The following RIN3 variants were observed in gnomAD, a reference collection of about 807,000 sequenced individuals.
The protein encoded by RIN3 is Ras and Rab interactor 3.
A neutral mutation model predicts 76.3 loss-of-function variants in RIN3; 54 were observed. That is an observed-to-expected ratio of 0.71 (90% CI 0.57 to 0.89). The LOEUF (loss-of-function observed/expected upper bound fraction) is 0.89, where lower values mean the gene tolerates loss of function less well. Ranked by LOEUF, RIN3 falls within the 40% of genes least tolerant of loss-of-function variation. RIN3 has a pLI of 0.00. For missense variants in RIN3, 1,256 were observed against 1,322.1 expected (o/e 0.95, Z 0.78); for synonymous variants, 576 against 564.0 (o/e 1.02, Z -0.30).
intron 1 of RIN3, among the ~76,000 whole-genome samples, chr14:92,547,847 G>A (rs1897324220): frequency 1.3e-5 from 2 of 152,120 alleles, no homozygotes; most frequent in Admixed American, 1.3e-4. Context: ...GGGATTACAG[G>A]CATGTGCAGC....
intron 1 of RIN3, among the ~76,000 whole-genome samples, chr14:92,543,476 A>G (rs1897171505): frequency 6.6e-6 from 1 of 152,118 alleles, no homozygotes; most frequent in Non-Finnish European, 1.5e-5. Context: ...TGTTAGGGTT[A>G]GGCTCTCAAA....
intron 3 of RIN3, among the ~76,000 whole-genome samples, chr14:92,614,015 C>T (rs749955432): frequency 5.3e-5 from 8 of 152,204 alleles, no homozygotes; most frequent in East Asian, 1.9e-4. Context: ...CTGGGCCCTT[C>T]GCCCTGGCTT....
intron 3 of RIN3, among the ~76,000 whole-genome samples, chr14:92,593,287 C>G (rs1885047699): frequency 6.6e-6 from 1 of 152,052 alleles, no homozygotes; most frequent in Admixed American, 6.6e-5. Context: ...AAATAGAAAA[C>G]AGTAACAAAT....
Position 92,652,947 on chromosome 14 carries a change from G to A in RIN3, c.1898G>A (p.Arg633His), listed in dbSNP as rs148921727. 57 of 1,613,818 alleles carry A rather than the reference G, an allele frequency of 3.5e-5. No individual in the cohort carries two copies. The South Asian group carries it at 4.3e-4, about 12-fold the overall frequency. The change falls in exon 6 of 10, where the codon CGC becomes CAC. Residue 633 changes from arginine to histidine, a missense_variant. Physicochemically the swap from Arg to His is conservative, Grantham distance 29. This residue lies in a region of RIN3 where 428 missense variants were observed against 521.2 expected (regional missense o/e 0.82). Transcript: ENST00000216487. This position sits in a 1 kb window ranked among gnomAD's most constrained non-coding sequence, Gnocchi z 6.4. Reference sequence around the variant, plus strand: ...GTGTACAGCCTGGAGATGATGGCGCGCCAGACCTCCAGCACGGAGATGCTG... The same window carrying A: ...GTGTACAGCCTGGAGATGATGGCGCACCAGACCTCCAGCACGGAGATGCTG... ...YKVYSLEMMA[R>H]QTSSTEMLQE...
chr14:92,525,260 C>T (rs994998955), intron 1 of RIN3, among the ~76,000 whole-genome samples: 2 of 152,212 alleles, frequency 1.3e-5, no homozygotes, highest in African/African-American at 4.8e-5. Flanking sequence ...GCACAATGGG[C>T]GCTCGCCCCT....
At chr14:92,673,396 T>C (rs573588222) in intron 7 of RIN3, among the ~76,000 whole-genome samples, 7 of 152,314 alleles carry the variant, frequency 4.6e-5, no homozygotes, top group African/African-American at 1.7e-4. Context: ...GGTGTATATA[T>C]AACTAAGAGT....
intron 8 of RIN3, among the ~76,000 whole-genome samples, chr14:92,683,326 C>G (rs1200479041): frequency 6.6e-6 from 1 of 152,258 alleles, no homozygotes; most frequent in East Asian, 1.9e-4. Flanking sequence ...CTCCTCTGGG[C>G]CCTTGATCTC....
At chr14:92,636,434 A>G (rs1279611249) in intron 4 of RIN3, among the ~76,000 whole-genome samples, 1 of 152,166 alleles carries the variant, frequency 6.6e-6, no homozygotes, top group Non-Finnish European at 1.5e-5. Context: ...AAATACAAAA[A>G]TTAGCCAGGC....
rs1897980482 is a variant in RIN3, at chr14:92,568,700, C to T, written c.250-8660C>T. On this transcript the variant is annotated intron_variant, in intron 2 of 9. Transcript: ENST00000216487. The surrounding 1 kb of genome is among the most constrained non-coding windows in gnomAD (Gnocchi z 4.2). ...CCAAACTCAGAGTCCGTCCCTGCCC[C>T]ACTCTCCATCGTGAACTCACAGCCT... 6.6e-6 allele frequency among the ~76,000 whole-genome samples: 1 copy of T among 152,250 alleles called. No homozygotes were observed.
At position 92,651,839 on chromosome 14, in the gene RIN3, C is replaced by T; in HGVS notation, c.790C>T (p.Pro264Ser). Residue 264 changes from proline to serine, a missense_variant, in exon 6 of 10, where the codon CCC (proline) becomes TCC (serine). Coordinates refer to ENST00000216487, the MANE Select transcript of RIN3 (RefSeq NM_024832.5). ...AAATTGCCCTGCACGCCCTTTGCCG[C>T]CCACCTCTGATGCCACCTCACCCAC... ...LGNCPARPLP[P>S]TSDATSPTSR... 1 of 1,611,892 alleles carries T rather than the reference C, an allele frequency of 6.2e-7. No individual in the cohort carries two copies.
intron 4 of RIN3, among the ~76,000 whole-genome samples, chr14:92,631,678 G>T (rs912258676): frequency 3.9e-5 from 6 of 152,176 alleles, no homozygotes; most frequent in Admixed American, 3.3e-4. Flanking sequence ...TGGGCTCACT[G>T]CATCCTCCAC....
chr14:92,663,795 A>C (rs1887970987), intron 7 of RIN3, among the ~76,000 whole-genome samples: 1 of 152,182 alleles, frequency 6.6e-6, no homozygotes, highest in Non-Finnish European at 1.5e-5. Flanking sequence ...CTTCGGTGCT[A>C]TAGCCTTGGA....
At position 92,641,281 on chromosome 14, in the gene RIN3, G is replaced by A; in HGVS notation, c.484G>A (p.Glu162Lys). The A allele has an allele frequency of 6.8e-6, 11 of 1,614,146 alleles. No homozygotes were observed. Among genetic ancestry groups the A allele is most frequent in the Non-Finnish European group, 8.5e-6 (10 of 1,179,990 alleles). ...FTLRLPQAIL[E>K]ASSFTDLETI... Reference sequence around the variant, plus strand: ...ACTGCGGCTACCCCAGGCCATCCTTGAGGCCAGCAGCTTCACGGACCTTGA... The same window carrying A: ...ACTGCGGCTACCCCAGGCCATCCTTAAGGCCAGCAGCTTCACGGACCTTGA... The change falls in exon 5 of 10, where the codon GAG becomes AAG. Residue 162 changes from glutamate (E) to lysine (K), a missense_variant. Transcript: ENST00000216487.
intron 7 of RIN3, among the ~76,000 whole-genome samples, chr14:92,662,913 C>T (rs2140154770): frequency 6.6e-6 from 1 of 152,062 alleles, no homozygotes; most frequent in South Asian, 2.1e-4. Context: ...CAGGCTCAGG[C>T]AATTCTCCCA....
rs1172250552 is a variant in RIN3, at chr14:92,547,072, T to TTTATA, written c.45-8658_45-8654dup. Among the ~76,000 whole-genome samples, 13 of 114,026 alleles carry TTTATA rather than the reference T, an allele frequency of 1.1e-4. 2 individuals carry two copies. The highest frequency in any genetic ancestry group is 1.1e-3 in the South Asian group (4 of 3,576). 74.8% of individuals were successfully genotyped at this position (114,026 alleles called of 152,430 possible). On this transcript the variant is annotated intron_variant, in intron 1 of 9. Coordinates refer to ENST00000216487, the MANE Select transcript of RIN3 (RefSeq NM_024832.5). The stretch of plus-strand genomic sequence containing the variant: ...TATAATAAAATAAATTATATTTTAT[T>TTTATA]TTATATTATATTATATTATATTATA...
intron 2 of RIN3, among the ~76,000 whole-genome samples, chr14:92,559,104 T>G (rs1897687313): frequency 6.6e-6 from 1 of 152,076 alleles, no homozygotes; most frequent in Non-Finnish European, 1.5e-5. Context: ...TGACCTCAGG[T>G]GATCCTCCCA....
At chr14:92,639,929 T>A (rs1886933540) in intron 4 of RIN3, among the ~76,000 whole-genome samples, 1 of 151,412 alleles carries the variant, frequency 6.6e-6, no homozygotes, top group South Asian at 2.1e-4. Context: ...CGTCGGGGGC[T>A]GCCTGACTGT....
chr14:92,604,620 G>C (rs1165400968), intron 3 of RIN3, among the ~76,000 whole-genome samples: 1 of 151,944 alleles, frequency 6.6e-6, no homozygotes, highest in Non-Finnish European at 1.5e-5. Context: ...TTTCCTCCTG[G>C]GGCAATCCTA....
chr14:92,552,883 T>C (rs1210438820), intron 1 of RIN3, among the ~76,000 whole-genome samples: 1 of 152,204 alleles, frequency 6.6e-6, no homozygotes, highest in Non-Finnish European at 1.5e-5. Flanking sequence ...TTAACTGTTT[T>C]GTTCACTGCT....
Sources: gnomAD v4.1 joint callset for allele counts (sites outside exome capture counted in the v4.1 genomes callset) on GRCh38, gnomAD v4.1.1 for gene constraint, gnomAD v4.1.1 regional missense constraint, Gnocchi (gnomAD v3.1) non-coding constraint, MANE v1.5 for transcripts, NCBI Gene and HGNC (gene_info 2026-07-23, HGNC 2026-07-21) for gene names.